Variants in ANKDD1A observed in about 807,000 individuals in gnomAD.
ANKDD1A encodes the protein ankyrin repeat and death domain containing 1A, also known as ankyrin repeat and death domain-containing protein 1A.
Under a neutral mutation model 63.5 loss-of-function variants are expected in ANKDD1A, and 59 were observed. That is an observed-to-expected ratio of 0.93 (90% CI 0.75 to 1.15). The LOEUF (loss-of-function observed/expected upper bound fraction) is 1.15, where lower values mean the gene tolerates loss of function less well. Ranked by LOEUF, ANKDD1A falls within the 50% of genes most tolerant of loss-of-function variation. The pLI, the probability that ANKDD1A is intolerant of heterozygous loss-of-function variation, is 0.00. For synonymous variants in ANKDD1A, 266 were observed against 263.9 expected, an observed-to-expected ratio of 1.01 and a Z score of -0.08; for missense variants, 632 against 656.4, an observed-to-expected ratio of 0.96 and a Z score of 0.41.
Position 64,958,075 on chromosome 15 carries a change from A to G in ANKDD1A, c.*887A>G, listed in dbSNP as rs1456615071. The G allele has an allele frequency of 1.3e-5, 2 of 152,190 alleles. No homozygotes were observed. The highest frequency in any genetic ancestry group is 4.8e-5 in the African/African-American group (2 of 41,440). The allele number at this position is 152,190 out of a possible 1,614,324, so 9.4% of individuals were successfully genotyped here. ...AAATGTGTGAGAGTGTTACTTACTG[A>G]AAACTGAAAGGATATGACATGCTGG... On this transcript the variant is annotated 3_prime_UTR_variant, in exon 15 of 15. Transcript: ENST00000319580.
intron 6 of ANKDD1A, among the ~76,000 whole-genome samples, chr15:64,929,850 C>A (rs532535879): frequency 1.3e-4 from 20 of 152,242 alleles, no homozygotes; most frequent in African/African-American, 4.6e-4. Context: ...AACCCAAATG[C>A]CCATCAATGA....
chr15:64,951,615 ATTC>A (rs1441904013), intron 14 of ANKDD1A, among the ~76,000 whole-genome samples: 342 of 30,574 alleles, frequency 0.011, 3 homozygotes, highest in Admixed American at 0.047. Context: ...CTTGTTCCTT[ATTC>A]TTCTTCTCTT....
At chr15:64,947,773 T>A (rs991817956) in intron 13 of ANKDD1A, among the ~76,000 whole-genome samples, 180 bp downstream of exon 13, 10 of 152,186 alleles carry the variant, frequency 6.6e-5, no homozygotes, top group African/African-American at 2.2e-4. Flanking sequence ...GGGTGCACAC[T>A]CTGCCTCTCC....
Position 64,915,802 on chromosome 15 carries a change from C to G in ANKDD1A, c.40C>G (p.Pro14Ala). ...ELAWETDGLLPLERQLHEAAR... is the reference protein window; with the variant it reads ...ELAWETDGLLALERQLHEAAR... Reference sequence around the variant, plus strand: ...ACCCCATTTTCTCCCCACAGTGCTTCCTCTGGAGAGGCAGCTCCACGAGGC... The same window carrying G: ...ACCCCATTTTCTCCCCACAGTGCTTGCTCTGGAGAGGCAGCTCCACGAGGC... Residue 14 changes from proline (P) to alanine (A), a missense_variant, in exon 2 of 15, where the codon CCT becomes GCT. Physicochemically the swap from Pro to Ala is conservative, Grantham distance 27. Transcript: ENST00000319580. 1.2e-6 allele frequency: 2 copies of G among 1,613,980 alleles called. No individual in the cohort carries two copies. Among genetic ancestry groups the G allele is most frequent in the Non-Finnish European group, 1.7e-6 (2 of 1,179,944 alleles).
intron 14 of ANKDD1A, among the ~76,000 whole-genome samples, chr15:64,953,228 T>C (rs1012256283): frequency 2.1e-5 from 3 of 145,102 alleles, no homozygotes; most frequent in Admixed American, 1.3e-4. Flanking sequence ...TTGTTCCTTA[T>C]TCTTCTTTCT....
intron 13 of ANKDD1A, among the ~76,000 whole-genome samples, chr15:64,948,123 C>T (rs1478969362): frequency 6.6e-6 from 1 of 152,100 alleles, no homozygotes; most frequent in Admixed American, 6.5e-5. Context: ...CACAGAACTC[C>T]TATGAACCAT....
chr15:64,918,150 C>T (rs1220877033), intron 3 of ANKDD1A, among the ~76,000 whole-genome samples: 1 of 152,170 alleles, frequency 6.6e-6, no homozygotes, highest in East Asian at 1.9e-4. Flanking sequence ...ATCACTTGAT[C>T]CCAGGAGTTT....
intron 14 of ANKDD1A, among the ~76,000 whole-genome samples, chr15:64,956,871 C>A (rs1020541250): frequency 6.6e-6 from 1 of 152,042 alleles, no homozygotes; most frequent in Non-Finnish European, 1.5e-5. Flanking sequence ...ATTCTTAAAA[C>A]TTAAGAAAAA....
intron 10 of ANKDD1A, chr15:64,943,190 G>T: frequency 5.9e-6 from 2 of 341,624 alleles, no homozygotes; most frequent in Non-Finnish European, 1.1e-5. Flanking sequence ...TTAATAATAG[G>T]GAAGTGGTTA....
chr15:64,952,079 CCTTCTT>C (rs2085296803), intron 14 of ANKDD1A, among the ~76,000 whole-genome samples: 4 of 5,142 alleles, frequency 7.8e-4, no homozygotes, highest in Non-Finnish European at 1.9e-3. Flanking sequence ...TCTTCTTCTT[CCTTCTT>C]TTCTTCCTCT....
intron 1 of ANKDD1A, among the ~76,000 whole-genome samples, chr15:64,912,900 G>A (rs550138357): frequency 2.6e-5 from 4 of 152,326 alleles, no homozygotes; most frequent in Admixed American, 6.5e-5. Context: ...GTGGGCCTGC[G>A]AAGAATGTGT....
At chr15:64,956,981 G>A (rs2085423036) in intron 14 of ANKDD1A, 122 bp from the exon 15 acceptor site, 1 of 376,182 alleles carries the variant, frequency 2.7e-6, no homozygotes, top group Non-Finnish European at 5.2e-6. Flanking sequence ...GCATTCTTTT[G>A]TTTCCTAACA....
chr15:64,923,071 T>C (rs985478107), intron 4 of ANKDD1A, among the ~76,000 whole-genome samples: 2 of 152,182 alleles, frequency 1.3e-5, no homozygotes, highest in Non-Finnish European at 2.9e-5. Context: ...TTCAATATAA[T>C]TGGTTTCCTT....
intron 14 of ANKDD1A, chr15:64,951,377 CTTTT>C (rs1268672315): frequency 1.2e-4 from 52 of 418,848 alleles, no homozygotes; most frequent in East Asian, 1.0e-3. Context: ...TTTCTTCTTT[CTTTT>C]TCTTTTCTTC....
In ANKDD1A at chr15:64,931,676, G is replaced by C. The variant is rs779189317; in HGVS notation, c.768+91G>C. Reference sequence around the variant, plus strand: ...ACGGCCACAGGGATTCCTGAACCCTGAGTGAATAGAGGCTTCGAGGCAGCA... The same window carrying C: ...ACGGCCACAGGGATTCCTGAACCCTCAGTGAATAGAGGCTTCGAGGCAGCA... On this transcript the variant is annotated intron_variant, in intron 8 of 14. Coordinates refer to ENST00000319580, the MANE Select transcript of ANKDD1A (RefSeq NM_182703.6). 1.3e-5 allele frequency: 17 copies of C among 1,359,412 alleles called. No individual in the cohort carries two copies. The South Asian group carries it at 2.1e-4, about 16-fold the overall frequency. 84.2% of individuals were successfully genotyped at this position (1,359,412 alleles called of 1,614,324 possible).
chr15:64,947,267 G>C, intron 12 of ANKDD1A, 137 bp from the exon 13 acceptor site: 7 of 783,860 alleles, frequency 8.9e-6, no homozygotes, highest in Non-Finnish European at 1.4e-5. Flanking sequence ...AGGACATTAA[G>C]CCCCTGGCCC....
At chr15:64,951,055 T>C (rs1248662355) in intron 14 of ANKDD1A, 2 of 1,235,194 alleles carry the variant, frequency 1.6e-6, no homozygotes, top group Non-Finnish European at 2.1e-6. Flanking sequence ...GACCTCAGCG[T>C]GTGGAGCCAC....
chr15:64,951,990 CTTTCT>C (rs917272135), intron 14 of ANKDD1A, among the ~76,000 whole-genome samples: 8 of 145,444 alleles, frequency 5.5e-5, no homozygotes, highest in Admixed American at 6.9e-5. Context: ...TCTTATTCTT[CTTTCT>C]TTTCTTTCTT....
chr15:64,918,360 C>A (rs1041878783), intron 3 of ANKDD1A, among the ~76,000 whole-genome samples: 1 of 152,230 alleles, frequency 6.6e-6, no homozygotes, highest in African/African-American at 2.4e-5. Flanking sequence ...TCCCAGGCCT[C>A]ACTATGTGGG....
Sources: gnomAD v4.1 joint callset for allele counts (sites outside exome capture counted in the v4.1 genomes callset) on GRCh38, gnomAD v4.1.1 for gene constraint, MANE v1.5 for transcripts, NCBI Gene and HGNC (gene_info 2026-07-23, HGNC 2026-07-21) for gene names.